Variants in PLCXD1 observed in about 807,000 individuals in gnomAD.
PLCXD1 encodes phosphatidylinositol specific phospholipase C X domain containing 1.
Under a neutral mutation model 37.8 loss-of-function variants are expected in PLCXD1, and 45 were observed. That is an observed-to-expected ratio of 1.19 (90% confidence interval 0.94 to 1.53). The LOEUF (loss-of-function observed/expected upper bound fraction) is 1.53. Ranked by LOEUF, PLCXD1 falls within the 40% of genes most tolerant of loss-of-function variation. The pLI, the probability that PLCXD1 is intolerant of heterozygous loss-of-function variation, is 0.00. For missense variants in PLCXD1, 539 were observed against 454.7 expected, an observed-to-expected ratio of 1.19 and a Z score of -1.69; for synonymous variants, 246 against 206.9, an observed-to-expected ratio of 1.19 and a Z score of -1.62.
upstream of PLCXD1, among the ~76,000 whole-genome samples, chrX:278,690 G>T (rs1569564316): frequency 6.9e-6 from 1 of 144,830 alleles, no homozygotes; most frequent in Non-Finnish European, 1.5e-5. Flanking sequence ...AGTGAGCCGA[G>T]ATTGCACCAC....
intron 3 of PLCXD1, among the ~76,000 whole-genome samples, chrX:289,509 TCTTTTTC>T (rs1255643732): frequency 1.2e-5 from 1 of 85,420 alleles, no homozygotes; most frequent in Non-Finnish European, 2.4e-5. Flanking sequence ...TCTTTTTCTT[TCTTTTTC>T]TTTTTTTTTT....
Position 284,290 on chromosome X carries a change from C to T in PLCXD1, c.103C>T (p.Pro35Ser), listed in dbSNP as rs781136490. Residue 35 changes from proline to serine, a missense_variant, in exon 2 of 7, where the codon CCC becomes TCC. Coordinates refer to ENST00000381657, the MANE Select transcript of PLCXD1 (RefSeq NM_018390.4). ...ACTGTGTCCCCGGCTCTGGGATGTG[C>T]CCCTCCACCACCTCTCCATCCCAGG... ...SALCPRLWDVPLHHLSIPGSH... is the reference protein window; with the variant it reads ...SALCPRLWDVSLHHLSIPGSH... 9.9e-6 allele frequency: 16 copies of T among 1,613,354 alleles called. No homozygotes were observed. The South Asian group carries it at 1.5e-4, about 16-fold the overall frequency.
chrX:290,593 G>GC, intron 3 of PLCXD1, 55 bp from the exon 4 acceptor site: 2 of 1,601,946 alleles, frequency 1.2e-6, no homozygotes, highest in East Asian at 2.2e-5. Context: ...CCATTCCTGA[G>GC]CCCCCCAGAC....
intron 2 of PLCXD1, among the ~76,000 whole-genome samples, chrX:284,679 C>T (rs2069391295): frequency 6.6e-6 from 1 of 152,164 alleles, no homozygotes; most frequent in African/African-American, 2.4e-5. Context: ...TGCACATCTG[C>T]ACACATACGC....
chrX:284,393 T>A (rs1233911068), intron 2 of PLCXD1, 79 bp downstream of exon 2: 1 of 1,531,002 alleles, frequency 6.5e-7, no homozygotes, highest in Non-Finnish European at 9.0e-7. Flanking sequence ...GGCGTCTGCA[T>A]TCCCCAGTGG....
At chrX:289,188 A>C (rs374326206) in intron 3 of PLCXD1, among the ~76,000 whole-genome samples, 2 of 151,808 alleles carry the variant, frequency 1.3e-5, no homozygotes, top group South Asian at 4.2e-4. Context: ...CCTGGGTTCA[A>C]GCGATTCTCC....
In PLCXD1 at chrX:299,731, T is replaced by A. The variant is rs139104396; in HGVS notation, c.*396T>A. 2,400 of 258,978 alleles carry A rather than the reference T, an allele frequency of 9.3e-3. 53 individuals carry two copies. The highest frequency in any genetic ancestry group is 0.051 in the African/African-American group (2,212 of 43,660). 16.0% of individuals were successfully genotyped at this position (258,978 alleles called of 1,614,324 possible). On this transcript the variant is annotated 3_prime_UTR_variant, in exon 7 of 7. Transcript: ENST00000381657. ...GACATCGTGCCACTGCACTCCAGTC[T>A]GAATGATAGACCGAGACTCCATCTC...
At chrX:279,707 G>C (rs1364997202), upstream of PLCXD1, among the ~76,000 whole-genome samples, 1 of 151,758 alleles carries the variant, frequency 6.6e-6, no homozygotes, top group East Asian at 1.9e-4. Context: ...CCAGGAGGCG[G>C]AGGCTGCAGT....
upstream of PLCXD1, among the ~76,000 whole-genome samples, chrX:277,178 G>T (rs1266863370): frequency 2.0e-5 from 3 of 151,768 alleles, no homozygotes; most frequent in Non-Finnish European, 4.4e-5. Flanking sequence ...TGTCATGTGT[G>T]GGGAAGGCGT....
At chrX:283,597 G>GT (rs2069347440) in intron 1 of PLCXD1, 2 of 136,672 alleles carry the variant, frequency 1.5e-5, no homozygotes, top group African/African-American at 2.7e-5. Context: ...CGGCCGTGGT[G>GT]CCAGGCCCGG....
upstream of PLCXD1, among the ~76,000 whole-genome samples, chrX:279,914 A>G (rs1021799538): frequency 1.6e-4 from 25 of 152,104 alleles, 1 homozygote; most frequent in African/African-American, 6.0e-4. Flanking sequence ...CAATGGCGCG[A>G]TCTCGGCTCA....
intron 1 of PLCXD1, 79 bp from the exon 2 acceptor site, chrX:284,088 G>A (rs2069366067): frequency 8.7e-7 from 1 of 1,145,972 alleles, no homozygotes; most frequent in Non-Finnish European, 1.3e-6. Flanking sequence ...ATGGGGTTTT[G>A]TCAAGTTGGC....
intron 6 of PLCXD1, 65 bp downstream of exon 6, chrX:293,283 G>A (rs2069698456): frequency 2.1e-5 from 26 of 1,239,064 alleles, no homozygotes; most frequent in Middle Eastern, 2.8e-4. Flanking sequence ...GCGGCAGGCC[G>A]GGTCCACATG....
intron 1 of PLCXD1, chrX:283,203 T>A (rs1269463045): frequency 6.8e-6 from 1 of 146,286 alleles, no homozygotes; most frequent in Non-Finnish European, 1.5e-5. Flanking sequence ...GAGGTTGCGG[T>A]GAGCCGAGAT....
rs1284974164 is a variant in PLCXD1, at chrX:290,755, G to A, written c.372G>A (p.Val124=). The A allele has an allele frequency of 2.5e-6, 4 of 1,612,862 alleles. No homozygotes were observed. Among genetic ancestry groups the A allele is most frequent in the South Asian group, 2.2e-5 (2 of 91,062 alleles). ...AGAACCTGCACTTTGTCCATATGGTGTACACAACGGCGCTGGTGGAGGTGC... is the reference window on the plus strand; with the variant it reads ...AGAACCTGCACTTTGTCCATATGGTATACACAACGGCGCTGGTGGAGGTGC... The part of the protein sequence containing the change: ...SEKNLHFVHM[V]YTTALVEDTL... The change falls in exon 4 of 7, where the codon GTG becomes GTA. Residue 124 remains valine, a synonymous_variant. Coordinates refer to ENST00000381657, the MANE Select transcript of PLCXD1 (RefSeq NM_018390.4).
chrX:278,887 G>T (rs766002898), upstream of PLCXD1, among the ~76,000 whole-genome samples: 1 of 152,138 alleles, frequency 6.6e-6, no homozygotes, highest in Admixed American at 6.6e-5. Context: ...GAATCCATAC[G>T]TGTAAGACGA....
chrX:300,398 G>A lies in PLCXD1; in HGVS notation c.*1063G>A, dbSNP rs2069966639. 1 of 149,608 alleles carries A rather than the reference G, an allele frequency of 6.7e-6. No individual in the cohort carries two copies. Among genetic ancestry groups the A allele is most frequent in the South Asian group, 2.1e-4 (1 of 4,824 alleles). The allele number at this position is 149,608 out of a possible 1,614,324, so 9.3% of individuals were successfully genotyped here. ...TGTGTGTATATATGTGTGTTTATGT[G>A]TCTGTGTGTATATATGTGTATATAT... On this transcript the variant is annotated 3_prime_UTR_variant, in exon 7 of 7. Coordinates refer to ENST00000381657, the MANE Select transcript of PLCXD1 (RefSeq NM_018390.4).
upstream of PLCXD1, among the ~76,000 whole-genome samples, chrX:277,100 C>T (rs1415417771): frequency 1.3e-5 from 2 of 152,138 alleles, no homozygotes; most frequent in African/African-American, 4.8e-5. Context: ...TCCGCTGTGC[C>T]GTCCGGACGA....
At chrX:280,050 T>G (rs947979359), upstream of PLCXD1, among the ~76,000 whole-genome samples, 26 of 152,162 alleles carry the variant, frequency 1.7e-4, no homozygotes, top group African/African-American at 6.3e-4. Context: ...GGTTTTGCCA[T>G]GTTGGCCAGG....
Sources: allele counts gnomAD v4.1 joint callset (sites outside exome capture counted in the v4.1 genomes callset), GRCh38; gene constraint gnomAD v4.1.1; transcripts MANE v1.5; gene names NCBI Gene and HGNC (gene_info 2026-07-23, HGNC 2026-07-21).